The following SLC35G2 variants were observed in gnomAD, a reference collection of about 807,000 sequenced individuals.
SLC35G2 encodes the protein transmembrane protein 22.
Under a neutral mutation model 27.2 loss-of-function variants are expected in SLC35G2, and 20 were observed. That is an observed-to-expected ratio of 0.74 (90% confidence interval 0.52 to 1.07). SLC35G2 has a LOEUF of 1.07. Among genes scored for constraint, SLC35G2 ranks in the 50% least tolerant of loss-of-function variants. SLC35G2 has a pLI of 0.00. For missense variants in SLC35G2, 416 were observed against 493.3 expected, an observed-to-expected ratio of 0.84 and a Z score of 1.48; for synonymous variants, 148 against 165.3, an observed-to-expected ratio of 0.90 and a Z score of 0.80.
At chr3:136,842,825 CA>C (rs1180915614) in intron 1 of SLC35G2, 1 of 152,234 alleles carries the variant, frequency 6.6e-6, no homozygotes, top group Non-Finnish European at 1.5e-5. Context: ...TGTGACTTGG[CA>C]TGTTCCCTTT....
chr3:136,830,803 T>C lies in SLC35G2; in HGVS notation c.-19+11175T>C, dbSNP rs144386517. On this transcript the variant is annotated intron_variant, in intron 1 of 1. Coordinates refer to ENST00000446465, the MANE Select transcript of SLC35G2 (RefSeq NM_025246.3). ...TCTTTAATCTCAGTAATTTTTTTTC[T>C]TCTGCCTTATCAATTCTGCTATTAA... Among the ~76,000 whole-genome samples the C allele has an allele frequency of 1.6e-3, 246 of 152,368 alleles. 1 individual carries two copies. The highest frequency in any genetic ancestry group is 2.6e-3 in the Admixed American group (40 of 15,308).
At chr3:136,843,267 G>A (rs1937182471) in intron 1 of SLC35G2, 1 of 140,874 alleles carries the variant, frequency 7.1e-6, no homozygotes, top group Non-Finnish European at 1.5e-5. Context: ...AGCTTGCAGT[G>A]AGCCGAGATC....
intron 1 of SLC35G2, among the ~76,000 whole-genome samples, chr3:136,845,290 T>G (rs1428227076): frequency 2.0e-5 from 3 of 152,180 alleles, no homozygotes; most frequent in Admixed American, 1.3e-4. Context: ...TATTTAGAGA[T>G]CTGATGGTGG....
chr3:136,833,706 G>A (rs1936793341), intron 1 of SLC35G2, among the ~76,000 whole-genome samples: 1 of 152,114 alleles, frequency 6.6e-6, no homozygotes, highest in Non-Finnish European at 1.5e-5. Flanking sequence ...TAGAACTCAG[G>A]CAGTAATGCT....
intron 1 of SLC35G2, among the ~76,000 whole-genome samples, chr3:136,840,531 T>TCCCG (rs1937042350): frequency 7.3e-6 from 1 of 137,146 alleles, no homozygotes; most frequent in African/African-American, 2.7e-5. Flanking sequence ...TCTCTCTCCC[T>TCCCG]CCCTCCCTCT....
At chr3:136,834,925 T>C (rs1342803791) in intron 1 of SLC35G2, among the ~76,000 whole-genome samples, 1 of 152,184 alleles carries the variant, frequency 6.6e-6, no homozygotes, top group Non-Finnish European at 1.5e-5. Context: ...TTGTAAACAT[T>C]TTACATTTGT....
At chr3:136,853,009 G>T (rs1168191485) in intron 1 of SLC35G2, among the ~76,000 whole-genome samples, 2 of 152,150 alleles carry the variant, frequency 1.3e-5, no homozygotes, top group African/African-American at 2.4e-5. Context: ...CAGCACTGTG[G>T]CAAATTGTTT....
Position 136,832,885 on chromosome 3 carries a change from G to A in SLC35G2, c.-19+13257G>A, listed in dbSNP as rs546938883. On this transcript the variant is annotated intron_variant, in intron 1 of 1. Transcript: ENST00000446465. ...AGATCGACACCATCCTGGCTAACATGGGGAAACCCCGTCTCTACTAAAAAT... is the reference window on the plus strand; with the variant it reads ...AGATCGACACCATCCTGGCTAACATAGGGAAACCCCGTCTCTACTAAAAAT... 5.5e-3 allele frequency among the ~76,000 whole-genome samples: 843 copies of A among 152,160 alleles called. 3 individuals carry two copies. Among genetic ancestry groups the A allele is most frequent in the Non-Finnish European group, 9.8e-3 (663 of 67,982 alleles).
chr3:136,840,496 TCTTCCTCCCCTCCCTCC>T (rs1289401704), intron 1 of SLC35G2, among the ~76,000 whole-genome samples: 1 of 151,718 alleles, frequency 6.6e-6, no homozygotes, highest in Non-Finnish European at 1.5e-5. Flanking sequence ...TTCCTCCTCC[TCTTCCTCCCCTCCCTCC>T]CTTCCTCTCT....
chr3:136,831,790 A>G lies in SLC35G2; in HGVS notation c.-19+12162A>G, dbSNP rs111452265. 3.3e-5 allele frequency among the ~76,000 whole-genome samples: 5 copies of G among 152,152 alleles called. 1 individual carries two copies. The highest frequency in any genetic ancestry group is 1.2e-4 in the African/African-American group (5 of 41,514). On this transcript the variant is annotated intron_variant, in intron 1 of 1. Transcript: ENST00000446465. Reference sequence around the variant, plus strand: ...TTGGGCAAGTCACCAAACCTTGCTGAGCTTCGTTTAAGTTTTTTGAAAAAA... The same window carrying G: ...TTGGGCAAGTCACCAAACCTTGCTGGGCTTCGTTTAAGTTTTTTGAAAAAA...
chr3:136,853,508 ATTCTTT>A (rs1262823437), intron 1 of SLC35G2, among the ~76,000 whole-genome samples: 1 of 152,126 alleles, frequency 6.6e-6, no homozygotes. Context: ...TTTTTGGTAT[ATTCTTT>A]TTCTTAAGTA....
At chr3:136,845,561 A>G (rs988078027) in intron 1 of SLC35G2, among the ~76,000 whole-genome samples, 1 of 152,048 alleles carries the variant, frequency 6.6e-6, no homozygotes, top group Non-Finnish European at 1.5e-5. Flanking sequence ...AGCAGATACA[A>G]ATTACTTAAG....
At chr3:136,827,812 G>A (rs1322716038) in intron 1 of SLC35G2, among the ~76,000 whole-genome samples, 1 of 151,480 alleles carries the variant, frequency 6.6e-6, no homozygotes, top group East Asian at 1.9e-4. Flanking sequence ...GGTCAGAGAA[G>A]ATACTTGGTA....
At chr3:136,845,973 G>C (rs1261552026) in intron 1 of SLC35G2, among the ~76,000 whole-genome samples, 2 of 152,116 alleles carry the variant, frequency 1.3e-5, no homozygotes, top group African/African-American at 4.8e-5. Flanking sequence ...GTTTCTGTGA[G>C]AGTGTTTTTG....
At chr3:136,843,803 G>A (rs568872603) in intron 1 of SLC35G2, among the ~76,000 whole-genome samples, 19 of 150,314 alleles carry the variant, frequency 1.3e-4, no homozygotes, top group African/African-American at 3.7e-4. Flanking sequence ...GCATGGTGAC[G>A]CACCCCTGTA....
intron 1 of SLC35G2, among the ~76,000 whole-genome samples, chr3:136,844,538 CAT>C (rs1432607584): frequency 7.1e-4 from 107 of 149,928 alleles, no homozygotes; most frequent in Non-Finnish European, 6.8e-4. Context: ...GTGGCTCACA[CAT>C]GTAATCCCAG....
chr3:136,853,810 C>A (rs113796164), intron 1 of SLC35G2, among the ~76,000 whole-genome samples: 5 of 152,178 alleles, frequency 3.3e-5, no homozygotes, highest in African/African-American at 9.6e-5. Context: ...TAGTTAAAAT[C>A]TTAATACATA....
intron 1 of SLC35G2, among the ~76,000 whole-genome samples, chr3:136,847,107 G>A (rs543830452): frequency 6.6e-6 from 1 of 152,258 alleles, no homozygotes; most frequent in South Asian, 2.1e-4. Flanking sequence ...AACCTGGGAG[G>A]TGGAGGTTGC....
intron 1 of SLC35G2, among the ~76,000 whole-genome samples, chr3:136,822,347 G>T (rs910300341): frequency 6.6e-6 from 1 of 151,878 alleles, no homozygotes; most frequent in African/African-American, 2.4e-5. Context: ...TGCTCTTGTT[G>T]CCCAGGCTGG....
Sources: gnomAD v4.1 joint callset for allele counts (sites outside exome capture counted in the v4.1 genomes callset) on GRCh38, gnomAD v4.1.1 for gene constraint, MANE v1.5 for transcripts, NCBI Gene and HGNC (gene_info 2026-07-23, HGNC 2026-07-21) for gene names.